The following DTNA variants were observed in gnomAD, a reference collection of about 807,000 sequenced individuals.
DTNA encodes dystrobrevin alpha.
A neutral mutation model predicts 100.7 loss-of-function variants in DTNA; 43 were observed. That is an observed-to-expected ratio of 0.43 (90% CI 0.33 to 0.55). DTNA has a LOEUF of 0.55. DTNA is among the 20% of genes least tolerant of loss of function. DTNA has a pLI of 0.04. For synonymous variants in DTNA, 349 were observed against 347.9 expected (o/e 1.00, Z -0.04); for missense variants, 798 against 953.9 (o/e 0.84, Z 2.15).
Position 34,663,227 on chromosome 18 carries a change from C to A in DTNA, c.-1-92749C>A, listed in dbSNP as rs546193547. Among the ~76,000 whole-genome samples the A allele has an allele frequency of 4.0e-4, 61 of 152,260 alleles. 1 individual carries two copies. The South Asian group carries it at 0.012, about 31-fold the overall frequency. ...GGAGTTCATTGGCATGATCGTGGCT[C>A]ACTGCAGCCTTGACCCCGTGGGCTC... is the stretch of plus-strand genomic sequence containing the variant. On this transcript the variant is annotated intron_variant, in intron 1 of 19. Transcript: ENST00000283365.
intron 1 of DTNA, among the ~76,000 whole-genome samples, chr18:34,526,834 C>A (rs1472049814): frequency 6.6e-6 from 1 of 152,000 alleles, no homozygotes; most frequent in Non-Finnish European, 1.5e-5. Context: ...GAGGCTATTA[C>A]TTTTTTTCAG....
At chr18:34,847,558 C>T (rs2096402211) in intron 13 of DTNA, among the ~76,000 whole-genome samples, 2 of 152,192 alleles carry the variant, frequency 1.3e-5, no homozygotes, top group Admixed American at 1.3e-4. Context: ...CAAGATGTCA[C>T]TTAAGGCTGT....
intron 1 of DTNA, among the ~76,000 whole-genome samples, chr18:34,690,537 G>T (rs1022635503): frequency 6.6e-6 from 1 of 152,138 alleles, no homozygotes; most frequent in African/African-American, 2.4e-5. Flanking sequence ...CACCTGTTGC[G>T]TTGGTCTCAC....
intron 15 of DTNA, among the ~76,000 whole-genome samples, chr18:34,857,705 G>A (rs1160060579): frequency 2.0e-5 from 3 of 151,712 alleles, no homozygotes; most frequent in African/African-American, 7.3e-5. Flanking sequence ...AAGGCTGAGA[G>A]ATTTAAGAAA....
intron 13 of DTNA, among the ~76,000 whole-genome samples, chr18:34,845,436 T>G (rs1291899269): frequency 2.6e-5 from 4 of 152,196 alleles, no homozygotes; most frequent in African/African-American, 9.6e-5. Flanking sequence ...AAAGATACTT[T>G]TATCAGAAGT....
intron 1 of DTNA, among the ~76,000 whole-genome samples, chr18:34,542,909 AT>A (rs922155760): frequency 6.6e-6 from 1 of 151,194 alleles, no homozygotes; most frequent in Non-Finnish European, 1.5e-5. Context: ...GTATGTCCTC[AT>A]TTTTTTTTCT....
rs693540 is a variant in DTNA at position 34,877,473 on chromosome 18, A to T, written c.1904-246A>T. Among the ~76,000 whole-genome samples the T allele has an allele frequency of 0.18, 27,450 of 152,046 alleles. 3,232 individuals are homozygous for T. Among genetic ancestry groups the T allele is most frequent in the African/African-American group, 0.34 (14,138 of 41,422 alleles). On this transcript the variant is annotated intron_variant, in intron 18 of 22. Coordinates refer to ENST00000444659, the MANE Select transcript of DTNA (RefSeq NM_001386795.1). Reference sequence around the variant, plus strand: ...CTTTCACCTTCAAAATTGTCCCCATATGGACAAATAATATATGAAACTCCA... The same window carrying T: ...CTTTCACCTTCAAAATTGTCCCCATTTGGACAAATAATATATGAAACTCCA...
chr18:34,622,786 A>G (rs1293006427), intron 1 of DTNA, among the ~76,000 whole-genome samples: 1 of 152,142 alleles, frequency 6.6e-6, no homozygotes, highest in Non-Finnish European at 1.5e-5. Context: ...TTGGCCACAG[A>G]CAAGAGTTAT....
At chr18:34,524,135 T>C (rs1051803818) in intron 1 of DTNA, among the ~76,000 whole-genome samples, 1 of 152,176 alleles carries the variant, frequency 6.6e-6, no homozygotes, top group Non-Finnish European at 1.5e-5. Flanking sequence ...ATATTACTGC[T>C]CTTCAAAAAC....
chr18:34,812,597 G>A (rs917516605), intron 6 of DTNA, among the ~76,000 whole-genome samples: 23 of 152,082 alleles, frequency 1.5e-4, no homozygotes, highest in African/African-American at 5.5e-4. Context: ...TAACACCATC[G>A]GATCTCCTGA....
At chr18:34,857,176 G>A (rs1014359778) in intron 15 of DTNA, among the ~76,000 whole-genome samples, 4 of 152,074 alleles carry the variant, frequency 2.6e-5, no homozygotes, top group African/African-American at 4.8e-5. Context: ...ATCACAAAGA[G>A]GAGAAAACAA....
chr18:34,515,959 C>A (rs567671164), intron 1 of DTNA, among the ~76,000 whole-genome samples: 2 of 152,242 alleles, frequency 1.3e-5, no homozygotes, highest in Admixed American at 1.3e-4. Flanking sequence ...CTCAATGTCA[C>A]ACACTAAATT....
chr18:34,535,309 A>G (rs149932959), intron 1 of DTNA, among the ~76,000 whole-genome samples: 4 of 152,034 alleles, frequency 2.6e-5, no homozygotes, highest in East Asian at 1.9e-4. Context: ...GTGTCTGTTC[A>G]TATTGTTTGC....
At chr18:34,689,899 G>T (rs2079498677) in intron 1 of DTNA, among the ~76,000 whole-genome samples, 2 of 152,160 alleles carry the variant, frequency 1.3e-5, no homozygotes, top group African/African-American at 4.8e-5. Flanking sequence ...AGGTGTTGTG[G>T]TGGGCCCCAC....
At chr18:34,605,633 GCACACACACACACACACACACACACA>G (rs3078088) in intron 1 of DTNA, among the ~76,000 whole-genome samples, 2 of 142,236 alleles carry the variant, frequency 1.4e-5, no homozygotes, top group East Asian at 4.3e-4. Context: ...TGCAACTCAG[GCACACACACACACACACACACACACA>G]CACACACACA....
At chr18:34,872,592 T>G (rs1453028975) in intron 17 of DTNA, among the ~76,000 whole-genome samples, 1 of 152,218 alleles carries the variant, frequency 6.6e-6, no homozygotes, top group Non-Finnish European at 1.5e-5. Context: ...TTTTTGGCTT[T>G]CAGAATTGCA....
intron 3 of DTNA, among the ~76,000 whole-genome samples, chr18:34,787,332 A>G (rs1301428405): frequency 1.3e-5 from 2 of 152,208 alleles, no homozygotes; most frequent in Non-Finnish European, 1.5e-5. Flanking sequence ...TTTTGGACTC[A>G]GGAGGTGGTA....
intron 1 of DTNA, among the ~76,000 whole-genome samples, chr18:34,661,347 A>G (rs960699627): frequency 2.0e-5 from 3 of 152,216 alleles, no homozygotes; most frequent in African/African-American, 7.2e-5. Context: ...AACTTAGTGT[A>G]TGCCTTCCAG....
intron 1 of DTNA, among the ~76,000 whole-genome samples, chr18:34,736,313 C>A (rs965549198): frequency 5.3e-5 from 8 of 152,126 alleles, no homozygotes; most frequent in African/African-American, 1.9e-4. Context: ...GATTTCATTT[C>A]TAAAAGCTGT....
Sources: allele counts gnomAD v4.1 joint callset (sites outside exome capture counted in the v4.1 genomes callset), GRCh38; gene constraint gnomAD v4.1.1; transcripts MANE v1.5; gene names NCBI Gene and HGNC (gene_info 2026-07-23, HGNC 2026-07-21).